Variants in ANKRD13C observed in about 807,000 individuals in gnomAD.
The protein encoded by ANKRD13C is ankyrin repeat domain 13C.
A neutral mutation model predicts 65.5 loss-of-function variants in ANKRD13C; 16 were observed. That is an observed-to-expected ratio of 0.24 (90% CI 0.17 to 0.37). The LOEUF (loss-of-function observed/expected upper bound fraction) is 0.37. Among genes scored for constraint, ANKRD13C ranks in the 10% least tolerant of loss-of-function variants. The pLI is 1.00. For missense variants in ANKRD13C, 503 were observed against 655.9 expected, an observed-to-expected ratio of 0.77 and a Z score of 2.55; for synonymous variants, 235 against 238.7, an observed-to-expected ratio of 0.98 and a Z score of 0.14.
intron 12 of ANKRD13C, among the ~76,000 whole-genome samples, chr1:70,265,116 A>C (rs1477319019): frequency 6.6e-6 from 1 of 152,226 alleles, no homozygotes; most frequent in Non-Finnish European, 1.5e-5. Context: ...GCCAAAAAAA[A>C]GACCAGCTTT....
chr1:70,286,196 T>C (rs1016049926), intron 9 of ANKRD13C, among the ~76,000 whole-genome samples: 14 of 152,200 alleles, frequency 9.2e-5, no homozygotes, highest in African/African-American at 3.4e-4. Context: ...TATGTATTGA[T>C]GAATATCTGA....
At chr1:70,330,557 C>CA (rs1393631280) in intron 2 of ANKRD13C, among the ~76,000 whole-genome samples, 1 of 17,916 alleles carries the variant, frequency 5.6e-5, no homozygotes, top group Non-Finnish European at 1.1e-4. Flanking sequence ...GCCTCCGTCT[C>CA]AAAAAAACAA....
intron 12 of ANKRD13C, among the ~76,000 whole-genome samples, chr1:70,264,357 T>A (rs1055971643): frequency 1.3e-5 from 2 of 150,634 alleles, no homozygotes; most frequent in Non-Finnish European, 2.9e-5. Flanking sequence ...GTGCCTATAA[T>A]CCCAGCTACT....
chr1:70,319,603 AT>A (rs1681218845), intron 3 of ANKRD13C, among the ~76,000 whole-genome samples: 1 of 150,242 alleles, frequency 6.7e-6, no homozygotes, highest in Admixed American at 6.7e-5. Flanking sequence ...GGGAAACTCC[AT>A]CTCAAAAAAA....
chr1:70,297,113 T>C (rs1482959192), intron 7 of ANKRD13C, among the ~76,000 whole-genome samples: 1 of 151,922 alleles, frequency 6.6e-6, no homozygotes, highest in African/African-American at 2.4e-5. Context: ...ATTTAAGACG[T>C]TATAAGGAAG....
intron 1 of ANKRD13C, among the ~76,000 whole-genome samples, chr1:70,337,452 C>T (rs1293043117): frequency 1.3e-5 from 2 of 151,936 alleles, no homozygotes; most frequent in Admixed American, 1.3e-4. Context: ...TGGTGGCACC[C>T]GCCTGTGATC....
At chr1:70,294,169 C>T (rs1047076153) in intron 8 of ANKRD13C, among the ~76,000 whole-genome samples, 1 of 152,028 alleles carries the variant, frequency 6.6e-6, no homozygotes, top group Non-Finnish European at 1.5e-5. Flanking sequence ...CGATATGACA[C>T]GACACTTTAT....
At chr1:70,341,801 T>C (rs1490058789) in intron 1 of ANKRD13C, among the ~76,000 whole-genome samples, 2 of 152,144 alleles carry the variant, frequency 1.3e-5, no homozygotes. Flanking sequence ...TATTTTACTG[T>C]AGCAGGAAAG....
intron 9 of ANKRD13C, among the ~76,000 whole-genome samples, chr1:70,278,749 G>A (rs960520517): frequency 2.0e-5 from 3 of 152,144 alleles, no homozygotes; most frequent in African/African-American, 7.2e-5. Flanking sequence ...ATCAAGGATT[G>A]CTAAGACACA....
At chr1:70,309,049 T>A (rs2101424681) in intron 5 of ANKRD13C, among the ~76,000 whole-genome samples, 1 of 143,880 alleles carries the variant, frequency 7.0e-6, no homozygotes, top group African/African-American at 2.5e-5. Flanking sequence ...TTTCTTTCCT[T>A]TTTTTTTTTT....
chr1:70,307,701 T>C (rs182879972), intron 5 of ANKRD13C, among the ~76,000 whole-genome samples: 3 of 152,280 alleles, frequency 2.0e-5, no homozygotes, highest in Non-Finnish European at 2.9e-5. Flanking sequence ...TGCAGCCATA[T>C]GGGAGGCCAA....
intron 1 of ANKRD13C, among the ~76,000 whole-genome samples, chr1:70,339,836 ATTATTATTATTATTATTATTAT>A (rs1443361671): frequency 8.9e-6 from 1 of 112,362 alleles, no homozygotes; most frequent in Non-Finnish European, 1.8e-5. Context: ...TATTATTATT[ATTATTATTATTATTATTATTAT>A]TATTATTTTG....
intron 1 of ANKRD13C, among the ~76,000 whole-genome samples, chr1:70,344,391 C>T (rs1352217615): frequency 6.6e-6 from 1 of 150,714 alleles, no homozygotes; most frequent in Non-Finnish European, 1.5e-5. Flanking sequence ...GCCTGAGTGT[C>T]GGAGGTCAAG....
chr1:70,291,697 C>G (rs1679873895), intron 9 of ANKRD13C, among the ~76,000 whole-genome samples: 1 of 152,118 alleles, frequency 6.6e-6, no homozygotes, highest in Admixed American at 6.6e-5. Flanking sequence ...ATCCCAGCTA[C>G]TCGGGAGTCT....
chr1:70,295,990 C>T lies in ANKRD13C; in HGVS notation c.1053+140G>A, dbSNP rs375304141. ...TGACTCTAACCATCCATTATAATTCCTTATCTGGATTCAAGGAAGAGAGAA... is the reference window on the plus strand; with the variant it reads ...TGACTCTAACCATCCATTATAATTCTTTATCTGGATTCAAGGAAGAGAGAA... On this transcript the variant is annotated intron_variant, in intron 8 of 12. Coordinates refer to ENST00000370944, the MANE Select transcript of ANKRD13C (RefSeq NM_030816.5). 2.6e-4 allele frequency: 238 copies of T among 915,294 alleles called. No individual in the cohort carries two copies. In the African/African-American group the frequency reaches 3.7e-3, roughly 14 times the overall value. 56.7% of individuals were successfully genotyped at this position (915,294 alleles called of 1,614,324 possible). A position where few individuals can be genotyped will look rare whatever the true frequency, so the allele number is the denominator to read the frequency against.
chr1:70,301,016 C>A, intron 6 of ANKRD13C, 108 bp from the exon 7 acceptor site: 1 of 1,124,110 alleles, frequency 8.9e-7, no homozygotes, highest in Non-Finnish European at 1.2e-6. Context: ...ATGCTAATAC[C>A]ATATTGCAAA....
intron 6 of ANKRD13C, among the ~76,000 whole-genome samples, chr1:70,302,910 T>C (rs1399069067): frequency 2.6e-5 from 4 of 152,004 alleles, no homozygotes; most frequent in African/African-American, 7.2e-5. Flanking sequence ...AAAGAAGAAA[T>C]GGGCTAAAAC....
chr1:70,311,407 G>A (rs1572109260), intron 5 of ANKRD13C, among the ~76,000 whole-genome samples: 1 of 152,130 alleles, frequency 6.6e-6, no homozygotes, highest in East Asian at 1.9e-4. Flanking sequence ...CCCAGGAGGT[G>A]GAGGTTGCAG....
intron 2 of ANKRD13C, among the ~76,000 whole-genome samples, chr1:70,331,997 G>GA (rs887626087): frequency 2.0e-5 from 3 of 151,752 alleles, no homozygotes; most frequent in African/African-American, 7.3e-5. Flanking sequence ...AAGATCATAA[G>GA]AAAAAAAGCA....
Sources: allele counts gnomAD v4.1 joint callset (sites outside exome capture counted in the v4.1 genomes callset), GRCh38; gene constraint gnomAD v4.1.1; transcripts MANE v1.5; gene names NCBI Gene and HGNC (gene_info 2026-07-23, HGNC 2026-07-21).